Variants in HUNK observed in about 807,000 individuals in gnomAD.
The protein encoded by HUNK is hormonally up-regulated Neu-associated kinase, also known as hormonally up-regulated neu tumor-associated kinase.
Under a neutral mutation model 61.0 loss-of-function variants are expected in HUNK, and 21 were observed. That is an observed-to-expected ratio of 0.34 (90% CI 0.24 to 0.50). The LOEUF is 0.50. Among genes scored for constraint, HUNK ranks in the 20% least tolerant of loss-of-function variants. The probability of loss-of-function intolerance (pLI) is 0.98; values close to 1 mark genes in which losing one functional copy is unlikely to be tolerated. For missense variants in HUNK, 772 were observed against 945.7 expected, an observed-to-expected ratio of 0.82 and a Z score of 2.41; for synonymous variants, 371 against 386.1, an observed-to-expected ratio of 0.96 and a Z score of 0.46.
At chr21:31,939,717 G>T (rs113575797) in intron 2 of HUNK, among the ~76,000 whole-genome samples, 12,120 of 130,438 alleles carry the variant, frequency 0.093, 602 homozygotes, top group South Asian at 0.19. Context: ...CTCATGTGTT[G>T]TTTTTTTTTT....
At position 32,001,729 on chromosome 21, in the gene HUNK, A is replaced by T. The variant is rs1318125761; in HGVS notation, c.*2545A>T. 1 of 152,412 alleles carries T rather than the reference A, an allele frequency of 6.6e-6. No homozygotes were observed. Among genetic ancestry groups the T allele is most frequent in the East Asian group, 1.9e-4 (1 of 5,164 alleles). The allele number at this position is 152,412 out of a possible 1,614,324, so 9.4% of individuals were successfully genotyped here. On this transcript the variant is annotated 3_prime_UTR_variant, in exon 11 of 11. Transcript: ENST00000270112. ...AAGGAGAAATGTTAGATTCTTTATT[A>T]TTTTATTATATTTATATGGAAAGCT...
chr21:31,960,632 G>A (rs1352843705), intron 5 of HUNK, among the ~76,000 whole-genome samples: 1 of 152,152 alleles, frequency 6.6e-6, no homozygotes, highest in Non-Finnish European at 1.5e-5. Flanking sequence ...TGAAGGAAGA[G>A]CAAAGGGACA....
intron 2 of HUNK, among the ~76,000 whole-genome samples, chr21:31,929,970 C>T (rs1259156161): frequency 6.6e-6 from 1 of 152,222 alleles, no homozygotes; most frequent in Non-Finnish European, 1.5e-5. Context: ...TGGGTGGAAT[C>T]CCAGGGCCTT....
intron 1 of HUNK, among the ~76,000 whole-genome samples, chr21:31,884,097 A>T (rs1224009184): frequency 6.6e-6 from 1 of 152,140 alleles, no homozygotes; most frequent in Non-Finnish European, 1.5e-5. Flanking sequence ...TCATCTCTTC[A>T]TGGGAAAGGT....
intron 2 of HUNK, among the ~76,000 whole-genome samples, chr21:31,938,663 C>T (rs1401695981): frequency 1.3e-5 from 2 of 152,174 alleles, no homozygotes; most frequent in Non-Finnish European, 2.9e-5. Context: ...TCTTGCTTAT[C>T]TCTCTATTCA....
intron 1 of HUNK, among the ~76,000 whole-genome samples, chr21:31,878,801 G>A (rs146919936): frequency 6.8e-4 from 104 of 152,344 alleles, no homozygotes; most frequent in African/African-American, 2.3e-3. Context: ...CTCAGGTATT[G>A]AGCCAGTGTT....
intron 6 of HUNK, among the ~76,000 whole-genome samples, chr21:31,971,387 T>A (rs1429039317): frequency 6.6e-6 from 1 of 152,176 alleles, no homozygotes; most frequent in Non-Finnish European, 1.5e-5. Context: ...GAACCAGAAT[T>A]CTAGGCTGTT....
intron 1 of HUNK, among the ~76,000 whole-genome samples, chr21:31,878,395 C>T (rs188940250): frequency 6.6e-6 from 1 of 151,268 alleles, no homozygotes. Context: ...ATCAGTAAAA[C>T]AATGGTCCTT....
intron 2 of HUNK, among the ~76,000 whole-genome samples, chr21:31,932,629 C>T (rs1227714164): frequency 1.3e-5 from 2 of 152,102 alleles, no homozygotes; most frequent in African/African-American, 4.8e-5. Flanking sequence ...GTAAAAACAC[C>T]CTGCACTTAT....
chr21:31,898,190 A>G (rs752148805), intron 1 of HUNK, among the ~76,000 whole-genome samples: 1 of 47,202 alleles, frequency 2.1e-5, no homozygotes, highest in Non-Finnish European at 3.9e-5. Flanking sequence ...TATACTCTGT[A>G]GTGAAACCCC....
chr21:31,963,815 T>C (rs1406631054), intron 5 of HUNK, among the ~76,000 whole-genome samples: 1 of 152,248 alleles, frequency 6.6e-6, no homozygotes, highest in Non-Finnish European at 1.5e-5. Flanking sequence ...ATATATGTAA[T>C]GATCATATCT....
chr21:31,975,579 C>T (rs1461077055), intron 7 of HUNK, among the ~76,000 whole-genome samples: 2 of 152,128 alleles, frequency 1.3e-5, no homozygotes, highest in Non-Finnish European at 2.9e-5. Context: ...TCACGAGGGA[C>T]CACCTTCACC....
chr21:31,891,674 C>T (rs973344393), intron 1 of HUNK, among the ~76,000 whole-genome samples: 5 of 152,110 alleles, frequency 3.3e-5, no homozygotes, highest in African/African-American at 1.2e-4. Flanking sequence ...TGTTATGTTG[C>T]GAATATTGTC....
At chr21:31,875,765 C>T (rs1226087358) in intron 1 of HUNK, among the ~76,000 whole-genome samples, 1 of 152,168 alleles carries the variant, frequency 6.6e-6, no homozygotes, top group African/African-American at 2.4e-5. Flanking sequence ...CTAAACATAA[C>T]GGAAAGAAGC....
intron 1 of HUNK, among the ~76,000 whole-genome samples, chr21:31,900,162 C>T (rs2052454241): frequency 6.6e-6 from 1 of 152,126 alleles, no homozygotes; most frequent in African/African-American, 2.4e-5. Flanking sequence ...TCCCCTGTTC[C>T]TCGCAGCATA....
chr21:31,946,550 C>G (rs1401608206), intron 4 of HUNK, among the ~76,000 whole-genome samples: 1 of 152,166 alleles, frequency 6.6e-6, no homozygotes, highest in Non-Finnish European at 1.5e-5. Context: ...TCGCCCATCT[C>G]TCCTACCCCC....
In HUNK at chr21:31,999,172, G is replaced by A. The variant is rs567584036; in HGVS notation, c.2133G>A (p.Lys711=). 1.2e-6 allele frequency: 2 copies of A among 1,603,620 alleles called. No individual in the cohort carries two copies. The highest frequency in any genetic ancestry group is 1.3e-5 in the African/African-American group (1 of 74,532). The change falls in exon 11 of 11, where the codon AAG becomes AAA. Residue 711 remains lysine, a synonymous_variant. Transcript: ENST00000270112. ...CCTTTGACATGGCCGATGGGGTCAA[G>A]ACCCAGTGCTAACTTGGGCCAGCGG... ...NLAFDMADGV[K]TQC is the part of the protein sequence containing the mutation.
At chr21:31,911,238 C>T (rs1364177137) in intron 1 of HUNK, among the ~76,000 whole-genome samples, 1 of 152,204 alleles carries the variant, frequency 6.6e-6, no homozygotes, top group East Asian at 1.9e-4. Flanking sequence ...CCTTCTGGGG[C>T]TTCTAAGCGT....
At chr21:31,956,063 TGAG>T (rs1292727929) in intron 4 of HUNK, among the ~76,000 whole-genome samples, 1 of 152,196 alleles carries the variant, frequency 6.6e-6, no homozygotes, top group Admixed American at 6.5e-5. Flanking sequence ...ACTGGGTTGT[TGAG>T]GAGACTCTCA....
Sources: allele counts gnomAD v4.1 joint callset (sites outside exome capture counted in the v4.1 genomes callset), GRCh38; gene constraint gnomAD v4.1.1; transcripts MANE v1.5; gene names NCBI Gene and HGNC (gene_info 2026-07-23, HGNC 2026-07-21).